The following SRGAP3 variants were observed in gnomAD, a reference collection of about 807,000 sequenced individuals.
The protein encoded by SRGAP3 is SLIT-ROBO Rho GTPase-activating protein 3.
SRGAP3 carries 39 observed loss-of-function variants against 121.1 expected under a neutral mutation model. The observed-to-expected ratio is 0.32, with a 90% CI of 0.25 to 0.42. SRGAP3 has a LOEUF of 0.42. Among genes scored for constraint, SRGAP3 ranks in the 10% least tolerant of loss-of-function variants. SRGAP3 has a pLI of 1.00. For missense variants in SRGAP3, 1,213 were observed against 1,470.6 expected (o/e 0.82, Z 2.86); for synonymous variants, 601 against 570.0 (o/e 1.05, Z -0.77).
chr3:9,066,498 G>T (rs540370451), intron 4 of SRGAP3, among the ~76,000 whole-genome samples: 2 of 152,212 alleles, frequency 1.3e-5, no homozygotes, highest in South Asian at 4.2e-4. Context: ...GGAATTCTGT[G>T]ACTTTATTTT....
At chr3:9,148,665 A>G (rs1367996566) in intron 1 of SRGAP3, among the ~76,000 whole-genome samples, 1 of 152,214 alleles carries the variant, frequency 6.6e-6, no homozygotes, top group East Asian at 1.9e-4. Flanking sequence ...GAGATATCAG[A>G]AGCCTGGGAC....
At chr3:9,080,118 G>GGA in intron 3 of SRGAP3, 31 bp from the exon 4 acceptor site, 1 of 1,612,304 alleles carries the variant, frequency 6.2e-7, no homozygotes, top group South Asian at 1.1e-5. Flanking sequence ...TGTCAGCGGG[G>GGA]GAGAAGTTTG....
intron 12 of SRGAP3, 36 bp from the exon 13 acceptor site, chr3:9,027,031 T>C: frequency 6.3e-7 from 1 of 1,595,112 alleles, no homozygotes; most frequent in Non-Finnish European, 8.6e-7. Flanking sequence ...TTATGGGGCT[T>C]GACAACCACC....
At chr3:9,029,728 A>C (rs1020389434) in intron 12 of SRGAP3, among the ~76,000 whole-genome samples, 1 of 152,238 alleles carries the variant, frequency 6.6e-6, no homozygotes, top group Non-Finnish European at 1.5e-5. Flanking sequence ...GAAAGTTAAT[A>C]ATCTTTCACA....
rs1263269983 is a variant in SRGAP3 at position 8,990,614 on chromosome 3, C to T, written c.2784G>A (p.Lys928=). The change falls in exon 21 of 22, where the codon AAG becomes AAA. Residue 928 remains lysine, a synonymous_variant. Transcript: ENST00000383836. ...GSAGSINYPD[K]KALSEGHSMR... is the part of the protein sequence containing the mutation. ...TCGAGTGCCCTTCGGAGAGCGCCTT[C>T]TTGTCAGGGTAGTTGATGCTGCCAG... The T allele has an allele frequency of 5.0e-6, 8 of 1,612,778 alleles. No individual in the cohort carries two copies. Among genetic ancestry groups the T allele is most frequent in the Non-Finnish European group, 6.8e-6 (8 of 1,179,616 alleles).
chr3:9,165,759 G>A (rs751797966), intron 1 of SRGAP3, among the ~76,000 whole-genome samples: 18 of 152,224 alleles, frequency 1.2e-4, no homozygotes, highest in Middle Eastern at 3.4e-3. Flanking sequence ...ATGCACGGTT[G>A]CCTTGGTCTG....
intron 1 of SRGAP3, among the ~76,000 whole-genome samples, chr3:9,137,601 G>A (rs573745513): frequency 1.3e-5 from 2 of 152,290 alleles, no homozygotes; most frequent in Middle Eastern, 3.4e-3. Context: ...GGATATACAT[G>A]CACGGCTGAA....
chr3:9,293,736 A>G (rs116293550), intron 3 of SRGAP3, among the ~76,000 whole-genome samples: 3,440 of 152,308 alleles, frequency 0.023, 47 homozygotes, highest in South Asian at 0.046. Flanking sequence ...ACGAAAAAAA[A>G]TCTCAGCAGC....
At position 8,992,806 on chromosome 3, in the gene SRGAP3, G is replaced by A. The variant is rs1344169216; in HGVS notation, c.2558+100C>T. On this transcript the variant is annotated intron_variant, in intron 20 of 21. Coordinates refer to ENST00000383836, the MANE Select transcript of SRGAP3 (RefSeq NM_014850.4). Reference sequence around the variant, plus strand: ...TTCATTTTGTGGGGAACAAGGGGCTGCAGTAGGCTCCTTCTCTCCTCTCTG... The same window carrying A: ...TTCATTTTGTGGGGAACAAGGGGCTACAGTAGGCTCCTTCTCTCCTCTCTG... The A allele has an allele frequency of 3.8e-6, 6 of 1,599,246 alleles. No individual in the cohort carries two copies. In the African/African-American group the frequency reaches 5.4e-5, roughly 14 times the overall value.
intron 1 of SRGAP3, among the ~76,000 whole-genome samples, chr3:9,164,753 T>C (rs766585457): frequency 5.3e-4 from 81 of 152,240 alleles, no homozygotes; most frequent in South Asian, 1.2e-3. Context: ...GTAAATATCA[T>C]GGCCACTCAG....
At chr3:9,264,787 C>T (rs1421178812) in intron 3 of SRGAP3, among the ~76,000 whole-genome samples, 4 of 152,322 alleles carry the variant, frequency 2.6e-5, no homozygotes, top group South Asian at 4.1e-4. Context: ...ATGAAAATGG[C>T]CATACTGCCC....
chr3:9,317,461 GA>G (rs771052712), intron 3 of SRGAP3, among the ~76,000 whole-genome samples: 1 of 152,322 alleles, frequency 6.6e-6, no homozygotes, highest in Non-Finnish European at 1.5e-5. Context: ...CCAGAAACTA[GA>G]TCCTCAATGA....
intron 1 of SRGAP3, among the ~76,000 whole-genome samples, chr3:9,139,031 G>A (rs1949761512): frequency 6.6e-6 from 1 of 152,166 alleles, no homozygotes. Flanking sequence ...GAGGAACAGA[G>A]ACCCACACCC....
intron 1 of SRGAP3, among the ~76,000 whole-genome samples, chr3:9,224,999 C>G (rs1952938621): frequency 6.6e-6 from 1 of 152,188 alleles, no homozygotes; most frequent in Non-Finnish European, 1.5e-5. Context: ...CCCCTCAACT[C>G]GTAGCAGCCA....
chr3:9,342,665 T>A lies in SRGAP3; in HGVS notation n.215-12069A>T, dbSNP rs554263602. ...TAAGAAAAGAAAACACATCAACATG[T>A]GCCTATGGCACAGCAAGGAATAAAG... On this transcript the variant is annotated intron_variant and non_coding_transcript_variant, in intron 1 of 3. Coordinates refer to the SRGAP3 transcript ENST00000490889. 8.5e-5 allele frequency among the ~76,000 whole-genome samples: 13 copies of A among 152,344 alleles called. No individual in the cohort carries two copies. In the South Asian group the frequency reaches 1.0e-3, roughly 12 times the overall value.
intron 18 of SRGAP3, among the ~76,000 whole-genome samples, chr3:9,008,595 GA>G (rs1203063282): frequency 1.3e-5 from 2 of 152,014 alleles, no homozygotes. Flanking sequence ...GTCGGCAGAA[GA>G]AAAAAAGGAG....
At chr3:9,331,583 G>C (rs1955609416) in intron 1 of SRGAP3, among the ~76,000 whole-genome samples, 1 of 152,102 alleles carries the variant, frequency 6.6e-6, no homozygotes, top group Admixed American at 6.5e-5. Context: ...AAAAAGACTT[G>C]GCCACAAGGT....
At chr3:9,058,137 GA>G (rs1945920292) in intron 7 of SRGAP3, 113 bp downstream of exon 7, 8 of 1,135,984 alleles carry the variant, frequency 7.0e-6, no homozygotes, top group Middle Eastern at 2.8e-4. Context: ...CCAGGAGCTT[GA>G]CCCCAGGCGT....
intron 3 of SRGAP3, among the ~76,000 whole-genome samples, chr3:9,263,892 C>T (rs768195625): frequency 6.6e-6 from 1 of 152,180 alleles, no homozygotes; most frequent in African/African-American, 2.4e-5. Context: ...CATCCTGATA[C>T]TAAAACCTGG....
Sources: gnomAD v4.1 joint callset for allele counts (sites outside exome capture counted in the v4.1 genomes callset) on GRCh38, gnomAD v4.1.1 for gene constraint, MANE v1.5 for transcripts, NCBI Gene and HGNC (gene_info 2026-07-23, HGNC 2026-07-21) for gene names.